The following ERG variants were observed in gnomAD, a reference collection of about 807,000 sequenced individuals.
ERG encodes the protein ETS transcription factor ERG.
In ERG, 9 loss-of-function variants were observed where a neutral mutation model predicts 55.3. The observed-to-expected ratio is 0.16, with a 90% CI of 0.10 to 0.28. The LOEUF (loss-of-function observed/expected upper bound fraction) is 0.28, where lower values mean the gene tolerates loss of function less well. Among genes scored for constraint, ERG ranks in the 10% least tolerant of loss-of-function variants. ERG has a pLI of 1.00. For missense variants in ERG, 434 were observed against 631.6 expected (o/e 0.69, Z 3.35); for synonymous variants, 223 against 237.3 (o/e 0.94, Z 0.55).
intron 2 of ERG, among the ~76,000 whole-genome samples, chr21:38,573,226 G>A (rs1205814556): frequency 6.6e-6 from 1 of 152,240 alleles, no homozygotes; most frequent in Non-Finnish European, 1.5e-5. Context: ...ATTGTCCAAG[G>A]TTTCTCCCAT....
At chr21:38,530,096 G>A (rs1173632269) in intron 2 of ERG, among the ~76,000 whole-genome samples, 1 of 152,166 alleles carries the variant, frequency 6.6e-6, no homozygotes, top group Non-Finnish European at 1.5e-5. Flanking sequence ...GTCTTGCTCT[G>A]TTGCCTGAGC....
At chr21:38,423,186 T>A (rs1490017523) in intron 3 of ERG, among the ~76,000 whole-genome samples, 1 of 152,104 alleles carries the variant, frequency 6.6e-6, no homozygotes, top group Non-Finnish European at 1.5e-5. Flanking sequence ...ACATATTTTT[T>A]AAATATTTGT....
chr21:38,516,822 G>T (rs1047819026), intron 2 of ERG, among the ~76,000 whole-genome samples: 1 of 151,816 alleles, frequency 6.6e-6, no homozygotes, highest in Non-Finnish European at 1.5e-5. Context: ...CATATTCACA[G>T]CCAACCGACT....
At chr21:38,480,417 C>T (rs1157782323) in intron 1 of ERG, among the ~76,000 whole-genome samples, 3 of 151,956 alleles carry the variant, frequency 2.0e-5, no homozygotes, top group African/African-American at 7.3e-5. Flanking sequence ...GGGACCAACC[C>T]AGCCAACACC....
At chr21:38,390,347 G>A (rs929646006) in intron 9 of ERG, among the ~76,000 whole-genome samples, 1 of 152,154 alleles carries the variant, frequency 6.6e-6, no homozygotes, top group African/African-American at 2.4e-5. Flanking sequence ...AAAAATACTA[G>A]TTATTTTATC....
At chr21:38,566,223 A>G (rs1311993502) in intron 2 of ERG, among the ~76,000 whole-genome samples, 1 of 152,210 alleles carries the variant, frequency 6.6e-6, no homozygotes, top group Non-Finnish European at 1.5e-5. Context: ...AGATTAAACC[A>G]GCAAAAACCC....
chr21:38,586,215 AT>A (rs2060063805), upstream of ERG, among the ~76,000 whole-genome samples: 2 of 21,182 alleles, frequency 9.4e-5, no homozygotes, highest in Admixed American at 6.3e-4. Flanking sequence ...ATATATATAT[AT>A]ATATATATAT....
intron 1 of ERG, among the ~76,000 whole-genome samples, chr21:38,596,986 T>C (rs2060135207): frequency 6.6e-6 from 1 of 152,188 alleles, no homozygotes; most frequent in Admixed American, 6.5e-5. Flanking sequence ...GTGTAGGTAA[T>C]CTGAGCAGAC....
downstream of ERG, among the ~76,000 whole-genome samples, chr21:38,376,725 G>GGTCTCTTCACAGCCATGGGGC (rs1987253191): frequency 6.6e-6 from 1 of 152,232 alleles, no homozygotes; most frequent in South Asian, 2.1e-4. Context: ...CTGTATGGTG[G>GGTCTCTTCACAGCCATGGGGC]GTCTCTTCAC....
chr21:38,460,165 G>A lies in ERG; in HGVS notation c.19-14544C>T, dbSNP rs573366372. Among the ~76,000 whole-genome samples the A allele has an allele frequency of 6.6e-6, 1 of 152,276 alleles. No individual in the cohort carries two copies. Among genetic ancestry groups the A allele is most frequent in the South Asian group, 2.1e-4 (1 of 4,820 alleles). On this transcript the variant is annotated intron_variant, in intron 1 of 9. Transcript: ENST00000288319. The surrounding 1 kb of genome is among the most constrained non-coding windows in gnomAD (Gnocchi z 5.0). ...AGAACAAGGCCAGAGTGGACTGCGG[G>A]GGCTGCACGAGGAACAATGGGACCA...
At chr21:38,626,164 CA>C (rs2060323610) in intron 1 of ERG, among the ~76,000 whole-genome samples, 1 of 152,070 alleles carries the variant, frequency 6.6e-6, no homozygotes, top group Non-Finnish European at 1.5e-5. Context: ...TCAGGTGATC[CA>C]GTCACCTTGG....
intron 1 of ERG, among the ~76,000 whole-genome samples, chr21:38,660,131 C>T (rs1468857441): frequency 6.6e-6 from 1 of 151,908 alleles, no homozygotes; most frequent in Non-Finnish European, 1.5e-5. Flanking sequence ...ACCATCAGGA[C>T]CCAGCGGACA....
At chr21:38,429,735 G>GCA (rs757088320) in intron 2 of ERG, among the ~76,000 whole-genome samples, 700 of 60,752 alleles carry the variant, frequency 0.012, 10 homozygotes, top group East Asian at 0.027. Flanking sequence ...ATATATGTGT[G>GCA]TATATATATA....
chr21:38,612,436 G>A (rs2146930505), intron 1 of ERG, among the ~76,000 whole-genome samples: 1 of 152,124 alleles, frequency 6.6e-6, no homozygotes, highest in South Asian at 2.1e-4. Context: ...GGTCCTGTAT[G>A]CCATGTTTAT....
intron 1 of ERG, among the ~76,000 whole-genome samples, chr21:38,614,658 G>C (rs991627081): frequency 6.6e-6 from 1 of 152,224 alleles, no homozygotes; most frequent in African/African-American, 2.4e-5. Flanking sequence ...GGGACGAACG[G>C]CTTCCTTGAG....
At chr21:38,397,149 C>T (rs1053756541) in intron 6 of ERG, among the ~76,000 whole-genome samples, 1 of 152,102 alleles carries the variant, frequency 6.6e-6, no homozygotes, top group Non-Finnish European at 1.5e-5. Context: ...AGGGCATGTT[C>T]ACATGTGGTC....
At position 38,450,218 on chromosome 21, in the gene ERG, A is replaced by T. The variant is rs181672537; in HGVS notation, c.19-4597T>A. Among the ~76,000 whole-genome samples the T allele has an allele frequency of 2.3e-3, 50 of 22,078 alleles. No homozygotes were observed. The South Asian group carries it at 0.19, about 82-fold the overall frequency. The allele number at this position is 22,078 out of a possible 152,430, so 14.5% of individuals were successfully genotyped here. A position where few individuals can be genotyped will look rare whatever the true frequency, so the allele number is the denominator to read the frequency against. On this transcript the variant is annotated intron_variant, in intron 1 of 9. Coordinates refer to ENST00000288319, the MANE Select transcript of ERG (RefSeq NM_182918.4). ...CATACAAAAATCCAAAAAAAAAACAAAGAAAAAAAAATAGCCAGGCGTGAT... is the reference window on the plus strand; with the variant it reads ...CATACAAAAATCCAAAAAAAAAACATAGAAAAAAAAATAGCCAGGCGTGAT...
chr21:38,635,489 G>T (rs1024986023), intron 1 of ERG, among the ~76,000 whole-genome samples: 1 of 152,012 alleles, frequency 6.6e-6, no homozygotes, highest in African/African-American at 2.4e-5. Flanking sequence ...CATAAATAAA[G>T]AAATAGTGAG....
chr21:38,547,988 G>A (rs751035362), intron 2 of ERG, among the ~76,000 whole-genome samples: 5 of 152,060 alleles, frequency 3.3e-5, no homozygotes, highest in Admixed American at 6.6e-5. Flanking sequence ...AAATATCTGA[G>A]ATCCTTAAAA....
Sources: allele counts gnomAD v4.1 joint callset (sites outside exome capture counted in the v4.1 genomes callset), GRCh38; gene constraint gnomAD v4.1.1; non-coding constraint Gnocchi (gnomAD v3.1); transcripts MANE v1.5; gene names NCBI Gene and HGNC (gene_info 2026-07-23, HGNC 2026-07-21).